Variants in GPSM2 observed in about 807,000 individuals in gnomAD.
The protein encoded by GPSM2 is G protein-signaling modulator 2.
A neutral mutation model predicts 78.4 loss-of-function variants in GPSM2; 58 were observed. That is an observed-to-expected ratio of 0.74 (90% CI 0.60 to 0.92). The LOEUF (loss-of-function observed/expected upper bound fraction) is 0.92, where lower values mean the gene tolerates loss of function less well. Among genes scored for constraint, GPSM2 ranks in the 40% least tolerant of loss-of-function variants. GPSM2 has a pLI of 0.00. For synonymous variants in GPSM2, 224 were observed against 280.2 expected (o/e 0.80, Z 2.00); for missense variants, 700 against 815.5 (o/e 0.86, Z 1.73).
At chr1:108,879,553 G>A (rs547227450) in intron 1 of GPSM2, among the ~76,000 whole-genome samples, 2 of 152,332 alleles carry the variant, frequency 1.3e-5, no homozygotes, top group South Asian at 4.1e-4. Context: ...AAAAGGCTGA[G>A]GCCGGGTACG....
At chr1:108,923,720 T>TA in intron 13 of GPSM2, among the ~76,000 whole-genome samples, 1 of 152,342 alleles carries the variant, frequency 6.6e-6, no homozygotes, top group East Asian at 1.9e-4. Context: ...ATCTTATAGT[T>TA]ACATTTTGAG....
At chr1:108,891,958 ACTT>A (rs569673876) in intron 2 of GPSM2, among the ~76,000 whole-genome samples, 371 of 152,298 alleles carry the variant, frequency 2.4e-3, no homozygotes, top group Non-Finnish European at 3.1e-3. Context: ...ATTGAGCACT[ACTT>A]TTCCTTTTAC....
In GPSM2 at chr1:108,924,148, C is replaced by A. The variant is rs758438553; in HGVS notation, c.1749C>A (p.Ser583Arg). The stretch of plus-strand genomic sequence containing the variant: ...CACAAAACAGCCAGTCGGTACTTAG[C>A]CACCTGATGACTAATGACAACAAAG... Reference protein sequence around the residue: ...RLTQNSQSVLSHLMTNDNKEA... With the variant: ...RLTQNSQSVLRHLMTNDNKEA... Residue 583 changes from serine to arginine, a missense_variant, in exon 14 of 15, where the codon AGC becomes AGA. Coordinates refer to ENST00000264126, the MANE Select transcript of GPSM2 (RefSeq NM_013296.5). The A allele has an allele frequency of 6.2e-7, 1 of 1,613,620 alleles. No individual in the cohort carries two copies. The highest frequency in any genetic ancestry group is 8.5e-7 in the Non-Finnish European group (1 of 1,179,626).
intron 7 of GPSM2, among the ~76,000 whole-genome samples, chr1:108,900,279 G>A (rs560679232): frequency 1.2e-4 from 16 of 135,724 alleles, no homozygotes; most frequent in East Asian, 4.2e-4. Context: ...TGCTCTTGTC[G>A]CCCAGGCTGG....
intron 10 of GPSM2, among the ~76,000 whole-genome samples, chr1:108,912,878 C>G: frequency 9.2e-6 from 1 of 108,256 alleles, no homozygotes; most frequent in South Asian, 3.1e-4. Context: ...AACCCTGTCT[C>G]TACTTTAAAA....
At chr1:108,905,574 T>A (rs1209418357) in intron 10 of GPSM2, among the ~76,000 whole-genome samples, 1 of 152,216 alleles carries the variant, frequency 6.6e-6, no homozygotes, top group Non-Finnish European at 1.5e-5. Flanking sequence ...TTTGCCACTC[T>A]CGTCTTTATT....
intron 1 of GPSM2, among the ~76,000 whole-genome samples, chr1:108,879,295 G>T (rs891923164): frequency 1.3e-5 from 2 of 152,182 alleles, no homozygotes; most frequent in Admixed American, 1.3e-4. Context: ...CATAATTCCT[G>T]TCTTCTTCCC....
At chr1:108,928,279 A>G (rs1314847058) in intron 14 of GPSM2, among the ~76,000 whole-genome samples, 1 of 152,278 alleles carries the variant, frequency 6.6e-6, no homozygotes, top group Admixed American at 6.5e-5. Flanking sequence ...AGAGGCTAGA[A>G]TATGACCATG....
Position 108,934,411 on chromosome 1 carries a change from T to G in GPSM2, c.*4471T>G, listed in dbSNP as rs1229916152. ...TCCAGAATCAGTGATGCCTGTCATC[T>G]GTTCATCTTAAAATAAACACTTCTT... On this transcript the variant is annotated 3_prime_UTR_variant, in exon 15 of 15. Transcript: ENST00000264126. 1 of 447,314 alleles carries G rather than the reference T, an allele frequency of 2.2e-6. No homozygotes were observed. The highest frequency in any genetic ancestry group is 3.9e-6 in the Non-Finnish European group (1 of 254,200). The allele number at this position is 447,314 out of a possible 1,614,324, so 27.7% of individuals were successfully genotyped here. A position where few individuals can be genotyped will look rare whatever the true frequency, so the allele number is the denominator to read the frequency against.
At chr1:108,908,728 A>AACACACACACACACACACACACACACAC (rs71591128) in intron 10 of GPSM2, among the ~76,000 whole-genome samples, 2,201 of 148,420 alleles carry the variant, frequency 0.015, 75 homozygotes, top group African/African-American at 0.049. Context: ...TCAAAACACA[A>AACACACACACACACACACACACACACAC]ACACACACAC....
chr1:108,904,330 C>A, intron 10 of GPSM2, 76 bp downstream of exon 10: 1 of 942,238 alleles, frequency 1.1e-6, no homozygotes, highest in Non-Finnish European at 1.7e-6. Flanking sequence ...ACAAATTTGG[C>A]ATATTCAGAG....
chr1:108,910,129 G>A (rs1379574844), intron 10 of GPSM2: 1 of 152,066 alleles, frequency 6.6e-6, no homozygotes, highest in Non-Finnish European at 1.5e-5. Flanking sequence ...AATATGCAGA[G>A]ATTAAAAAGA....
chr1:108,903,500 G>A (rs543199554), intron 9 of GPSM2, among the ~76,000 whole-genome samples: 23 of 152,200 alleles, frequency 1.5e-4, no homozygotes, highest in Admixed American at 1.1e-3. Flanking sequence ...TACTCTACCC[G>A]CATCTCTACA....
chr1:108,884,539 G>A (rs1484856569), intron 1 of GPSM2, among the ~76,000 whole-genome samples: 1 of 152,118 alleles, frequency 6.6e-6, no homozygotes, highest in Non-Finnish European at 1.5e-5. Flanking sequence ...TCTTATTTAG[G>A]ACTATACTGA....
rs144199687 is a variant in GPSM2 at position 108,915,967 on chromosome 1, C to T, written c.1263+1559C>T. ...TATCAAGAACATCTTTCCAGCTGGA[C>T]GCAGTGGCTCATGCCTGTAATCCCA... On this transcript the variant is annotated intron_variant, in intron 11 of 14. Transcript: ENST00000264126. Among the ~76,000 whole-genome samples the T allele has an allele frequency of 1.5e-3, 222 of 151,432 alleles. 2 individuals are homozygous for T. The highest frequency in any genetic ancestry group is 5.0e-3 in the African/African-American group (206 of 41,262).
At chr1:108,877,540 A>G (rs1294710921) in intron 1 of GPSM2, 2 of 150,434 alleles carry the variant, frequency 1.3e-5, no homozygotes, top group Non-Finnish European at 2.9e-5. Context: ...GATAAAAACT[A>G]TACTAGAGTC....
chr1:108,877,032 T>G lies in GPSM2; in HGVS notation c.-445T>G, dbSNP rs2101267945. 6.6e-6 allele frequency: 1 copy of G among 151,756 alleles called. No homozygotes were observed. The highest frequency in any genetic ancestry group is 1.5e-5 in the Non-Finnish European group (1 of 67,946). The allele number at this position is 151,756 out of a possible 1,614,324, so 9.4% of individuals were successfully genotyped here. ...CCGGCGGAGCGGCGGGACCCCTAGG[T>G]GGCGGAGGGACGCTCCGGGAAAGCG... On this transcript the variant is annotated 5_prime_UTR_variant, in exon 1 of 15. Transcript: ENST00000264126.
chr1:108,883,952 C>T lies in GPSM2; in HGVS notation c.-248-1323C>T, dbSNP rs1332209463. Among the ~76,000 whole-genome samples, 16 of 152,024 alleles carry T rather than the reference C, an allele frequency of 1.1e-4. 1 individual carries two copies. The highest frequency in any genetic ancestry group is 1.5e-5 in the Non-Finnish European group (1 of 68,008). On this transcript the variant is annotated intron_variant, in intron 1 of 14. Transcript: ENST00000264126. ...GGGCAGACAGAGTTGCACTGTGTCG[C>T]CTGGGCTGGAGCGCAGTGGCATAAT... is the stretch of plus-strand genomic sequence containing the variant.
At position 108,930,030 on chromosome 1, in the gene GPSM2, A is replaced by C; in HGVS notation, c.*90A>C. Reference sequence around the variant, plus strand: ...TAAAAGGAGAATTTATAGCACTGTAATACAGCTTAAAATATTTTTAGAATG... The same window carrying C: ...TAAAAGGAGAATTTATAGCACTGTACTACAGCTTAAAATATTTTTAGAATG... On this transcript the variant is annotated 3_prime_UTR_variant, in exon 15 of 15. Transcript: ENST00000264126. The C allele has an allele frequency of 9.0e-7, 1 of 1,108,230 alleles. No individual in the cohort carries two copies. Among genetic ancestry groups the C allele is most frequent in the African/African-American group, 1.6e-5 (1 of 64,038 alleles). 68.6% of individuals were successfully genotyped at this position (1,108,230 alleles called of 1,614,324 possible).
Sources: allele counts gnomAD v4.1 joint callset (sites outside exome capture counted in the v4.1 genomes callset), GRCh38; gene constraint gnomAD v4.1.1; transcripts MANE v1.5; gene names NCBI Gene and HGNC (gene_info 2026-07-23, HGNC 2026-07-21).